The following SKAP2 variants were observed in gnomAD, a reference collection of about 807,000 sequenced individuals.
SKAP2 encodes src kinase-associated phosphoprotein 2.
In SKAP2, 28 loss-of-function variants were observed where a neutral mutation model predicts 54.9. The ratio of observed to expected loss-of-function variants is 0.51; its 90% confidence interval spans 0.38 to 0.70. SKAP2 has a LOEUF of 0.70. SKAP2 is among the 30% of genes least tolerant of loss of function. SKAP2 has a pLI of 0.00. For missense variants in SKAP2, 356 were observed against 424.1 expected, an observed-to-expected ratio of 0.84 and a Z score of 1.41; for synonymous variants, 137 against 134.3, an observed-to-expected ratio of 1.02 and a Z score of -0.14.
chr7:26,794,879 C>T (rs1783741675), intron 4 of SKAP2, among the ~76,000 whole-genome samples: 2 of 152,194 alleles, frequency 1.3e-5, no homozygotes, highest in Admixed American at 1.3e-4. Flanking sequence ...TCTTGTCCAG[C>T]CAGCCACCAC....
intron 4 of SKAP2, among the ~76,000 whole-genome samples, chr7:26,832,946 T>C (rs1398695809): frequency 6.6e-6 from 1 of 152,136 alleles, no homozygotes; most frequent in East Asian, 1.9e-4. Flanking sequence ...CAGCTGGCAG[T>C]AAAGGCTTGT....
chr7:26,831,717 C>G (rs1784599449), intron 4 of SKAP2, among the ~76,000 whole-genome samples: 1 of 152,046 alleles, frequency 6.6e-6, no homozygotes, highest in African/African-American at 2.4e-5. Context: ...AAGAAATTTG[C>G]TGGAGGTCAC....
rs991973309 is a variant in SKAP2 at position 26,722,123 on chromosome 7, G to A, written c.796+3305C>T. On this transcript the variant is annotated intron_variant, in intron 9 of 12. Coordinates refer to ENST00000345317, the MANE Select transcript of SKAP2 (RefSeq NM_003930.5). ...ATGTAAAAGGATTAGGATATTTGAA[G>A]AAAAGCCAAATACCTTTAATACTCC... is the stretch of plus-strand genomic sequence containing the variant. Among the ~76,000 whole-genome samples, 4 of 152,286 alleles carry A rather than the reference G, an allele frequency of 2.6e-5. No homozygotes were observed. The South Asian group carries it at 8.3e-4, about 32-fold the overall frequency.
At chr7:26,736,095 T>C (rs572595269) in intron 6 of SKAP2, among the ~76,000 whole-genome samples, 1 of 152,266 alleles carries the variant, frequency 6.6e-6, no homozygotes, top group South Asian at 2.1e-4. Flanking sequence ...TCAGAGGCTT[T>C]TAAACCAGAG....
intron 1 of SKAP2, among the ~76,000 whole-genome samples, chr7:26,862,294 T>A (rs999150563): frequency 3.3e-5 from 5 of 152,062 alleles, no homozygotes; most frequent in African/African-American, 4.8e-5. Flanking sequence ...AAACATAAAA[T>A]GTTAGCAACT....
At chr7:26,846,345 G>A (rs1013619770) in intron 3 of SKAP2, among the ~76,000 whole-genome samples, 1 of 151,846 alleles carries the variant, frequency 6.6e-6, no homozygotes, top group Non-Finnish European at 1.5e-5. Context: ...TTAAATTCTA[G>A]GTGGAAGTAA....
chr7:26,719,109 A>T (rs1476310304), intron 9 of SKAP2, among the ~76,000 whole-genome samples: 2 of 152,144 alleles, frequency 1.3e-5, no homozygotes, highest in Non-Finnish European at 2.9e-5. Context: ...GAGGAGTTTG[A>T]AGCTGCAGTG....
chr7:26,826,118 TACACACAC>T (rs10601131), intron 4 of SKAP2, among the ~76,000 whole-genome samples: 1 of 150,136 alleles, frequency 6.7e-6, no homozygotes, highest in East Asian at 2.0e-4. Flanking sequence ...ATTCGTGCAA[TACACACAC>T]ACACACACAC....
chr7:26,690,515 C>T (rs1449333086), intron 9 of SKAP2, among the ~76,000 whole-genome samples, 153 bp from the exon 10 acceptor site: 7 of 152,092 alleles, frequency 4.6e-5, no homozygotes, highest in Admixed American at 3.9e-4. Context: ...AGTCCTTTTT[C>T]GACAATCTAA....
chr7:26,707,712 G>A (rs1054804404), intron 9 of SKAP2, among the ~76,000 whole-genome samples: 5 of 152,222 alleles, frequency 3.3e-5, no homozygotes, highest in African/African-American at 1.2e-4. Context: ...CCTGTGAGAA[G>A]CACAGAGATA....
intron 4 of SKAP2, among the ~76,000 whole-genome samples, chr7:26,745,081 C>T (rs995860338): frequency 2.6e-5 from 4 of 151,964 alleles, no homozygotes; most frequent in Non-Finnish European, 5.9e-5. Context: ...TGAGCTTCAC[C>T]TTTTGCCCCC....
intron 4 of SKAP2, among the ~76,000 whole-genome samples, chr7:26,820,019 T>A (rs1367251863): frequency 4.6e-5 from 7 of 151,936 alleles, no homozygotes; most frequent in African/African-American, 9.7e-5. Flanking sequence ...TCAGAAAATT[T>A]AAAAAAATCA....
At chr7:26,834,907 G>C (rs1784674341) in intron 4 of SKAP2, among the ~76,000 whole-genome samples, 1 of 152,100 alleles carries the variant, frequency 6.6e-6, no homozygotes, top group African/African-American at 2.4e-5. Flanking sequence ...GAAAATTTCA[G>C]GCCAATATCC....
chr7:26,859,574 C>T (rs1396833737), intron 1 of SKAP2, among the ~76,000 whole-genome samples: 1 of 152,142 alleles, frequency 6.6e-6, no homozygotes. Flanking sequence ...GTCTTACAAT[C>T]CAATCATTGG....
chr7:26,767,188 C>T (rs7784548), intron 4 of SKAP2, among the ~76,000 whole-genome samples: 65,250 of 151,952 alleles, frequency 0.43, 14,471 homozygotes, highest in Middle Eastern at 0.49. Context: ...CTTCCTGTTT[C>T]AGACTTGGCA....
intron 4 of SKAP2, among the ~76,000 whole-genome samples, chr7:26,748,296 G>GT (rs1782602446): frequency 1.3e-5 from 2 of 151,970 alleles, no homozygotes; most frequent in African/African-American, 2.4e-5. Context: ...TTAAAATATG[G>GT]TTTTTATCTA....
At chr7:26,752,161 C>T (rs1782700062) in intron 4 of SKAP2, among the ~76,000 whole-genome samples, 1 of 152,022 alleles carries the variant, frequency 6.6e-6, no homozygotes, top group Non-Finnish European at 1.5e-5. Context: ...CAAAAATTCA[C>T]TTATAAGCTT....
intron 5 of SKAP2, among the ~76,000 whole-genome samples, chr7:26,739,453 C>T (rs547475543): frequency 1.1e-4 from 16 of 152,198 alleles, no homozygotes; most frequent in African/African-American, 3.9e-4. Flanking sequence ...TTATCATAGC[C>T]AATGGAGAGG....
intron 4 of SKAP2, among the ~76,000 whole-genome samples, chr7:26,841,514 C>A (rs1318272207): frequency 2.0e-5 from 3 of 152,042 alleles, no homozygotes; most frequent in Non-Finnish European, 4.4e-5. Context: ...GTCGAAGCAT[C>A]ACTGAAGTGT....
Sources: allele counts gnomAD v4.1 joint callset (sites outside exome capture counted in the v4.1 genomes callset), GRCh38; gene constraint gnomAD v4.1.1; transcripts MANE v1.5; gene names NCBI Gene and HGNC (gene_info 2026-07-23, HGNC 2026-07-21).